Variants in ENTREP1 observed in about 807,000 individuals in gnomAD.
The protein encoded by ENTREP1 is Friedreich ataxia region gene X123.
chr9:69,343,230 T>C, the ENTREP1 span, among the ~76,000 whole-genome samples: 1 of 152,250 alleles, frequency 6.6e-6, no homozygotes, highest in African/African-American at 2.4e-5. Context: ...ATTTGTATCA[T>C]GCTTACAAAA....
At chr9:69,349,386 A>G in the ENTREP1 span, among the ~76,000 whole-genome samples, 6 of 152,114 alleles carry the variant, frequency 3.9e-5, no homozygotes, top group East Asian at 1.2e-3. Context: ...ATCATTTTAT[A>G]TTTCCACCAG....
the ENTREP1 span, chr9:69,371,756 A>C: frequency 1.6e-6 from 1 of 635,372 alleles, no homozygotes; most frequent in East Asian, 2.7e-5. Context: ...CAAAACAAAG[A>C]GCTGCCTGCT....
At chr9:69,391,733 A>AGGAGGCCCCGGCGAGT in the ENTREP1 span, 1 of 1,613,942 alleles carries the variant, frequency 6.2e-7, no homozygotes, top group South Asian at 1.1e-5. Flanking sequence ...CCGAGCCGAG[A>AGGAGGCCCCGGCGAGT]GGAGGCCCCG....
chr9:69,325,800 C>G, the ENTREP1 span: 2 of 1,210,682 alleles, frequency 1.7e-6, no homozygotes, highest in Non-Finnish European at 2.1e-6. Context: ...TCCATTGCCC[C>G]TTTGTTGGCC....
the ENTREP1 span, among the ~76,000 whole-genome samples, chr9:69,353,822 A>C: frequency 2.0e-5 from 3 of 152,108 alleles, no homozygotes; most frequent in Non-Finnish European, 4.4e-5. Context: ...GTAGGAATTG[A>C]CTTAGCGAAG....
chr9:69,381,521 G>T, the ENTREP1 span: 1 of 152,058 alleles, frequency 6.6e-6, no homozygotes. Flanking sequence ...CCCACGATAG[G>T]CAATGAGAGC....
chr9:69,391,855 G>A, the ENTREP1 span: 1 of 1,499,824 alleles, frequency 6.7e-7, no homozygotes, highest in South Asian at 1.2e-5. Flanking sequence ...TCTCCTCTCT[G>A]CCATTTCTTG....
chr9:69,340,689 GTGTGTA>G, the ENTREP1 span, among the ~76,000 whole-genome samples: 106 of 142,000 alleles, frequency 7.5e-4, 7 homozygotes, highest in African/African-American at 2.5e-3. Context: ...ATGCATGTGT[GTGTGTA>G]TGTGTGTGTG....
the ENTREP1 span, among the ~76,000 whole-genome samples, chr9:69,371,978 G>T: frequency 6.6e-6 from 1 of 152,262 alleles, no homozygotes; most frequent in South Asian, 2.1e-4. Context: ...AACCTTTGGA[G>T]GCCAGGTGTG....
chr9:69,361,128 T>A, the ENTREP1 span, among the ~76,000 whole-genome samples: 11 of 152,196 alleles, frequency 7.2e-5, no homozygotes, highest in Admixed American at 2.6e-4. Flanking sequence ...GACTTTTTTT[T>A]AAAAAGGGAT....
the ENTREP1 span, among the ~76,000 whole-genome samples, chr9:69,349,791 T>C: frequency 6.6e-6 from 1 of 152,194 alleles, no homozygotes; most frequent in African/African-American, 2.4e-5. Flanking sequence ...TAGCCAACAA[T>C]TGGGCAAAGT....
the ENTREP1 span, among the ~76,000 whole-genome samples, chr9:69,389,962 T>A: frequency 3.9e-5 from 6 of 152,162 alleles, no homozygotes; most frequent in Non-Finnish European, 7.3e-5. Flanking sequence ...ATTCTATACC[T>A]TTTCCCTGGT....
the ENTREP1 span, chr9:69,387,817 C>T: frequency 9.1e-7 from 1 of 1,093,916 alleles, no homozygotes; most frequent in Non-Finnish European, 1.2e-6. Context: ...ATTTTTCCTG[C>T]TTGGCCCATC....
At chr9:69,371,994 G>A in the ENTREP1 span, among the ~76,000 whole-genome samples, 1 of 152,146 alleles carries the variant, frequency 6.6e-6, no homozygotes, top group Non-Finnish European at 1.5e-5. Flanking sequence ...GTGTGTGTCA[G>A]CATTTAGAGT....
At chr9:69,350,487 C>G in the ENTREP1 span, among the ~76,000 whole-genome samples, 1 of 152,178 alleles carries the variant, frequency 6.6e-6, no homozygotes, top group Non-Finnish European at 1.5e-5. Flanking sequence ...ACTTCCTGTT[C>G]TAGTCTGGAC....
chr9:69,361,460 CGTT>C, the ENTREP1 span, among the ~76,000 whole-genome samples: 1 of 152,236 alleles, frequency 6.6e-6, no homozygotes, highest in African/African-American at 2.4e-5. Context: ...TATATGCATC[CGTT>C]GTTTGTTTCT....
chr9:69,391,521 G>T, the ENTREP1 span: 1 of 1,153,334 alleles, frequency 8.7e-7, no homozygotes, highest in Non-Finnish European at 1.3e-6. Flanking sequence ...AAGATAGGTG[G>T]ATGGACCTAG....
At chr9:69,368,020 G>A in the ENTREP1 span, among the ~76,000 whole-genome samples, 22 of 147,278 alleles carry the variant, frequency 1.5e-4, no homozygotes, top group Non-Finnish European at 3.0e-4. Context: ...GTATATAAAT[G>A]CTACTGATTT....
the ENTREP1 span, among the ~76,000 whole-genome samples, chr9:69,345,986 A>G: frequency 6.8e-6 from 1 of 147,642 alleles, no homozygotes; most frequent in African/African-American, 2.5e-5. Flanking sequence ...CACAAATAAC[A>G]CTTTTTTTTT....
Sources: allele counts gnomAD v4.1 joint callset (sites outside exome capture counted in the v4.1 genomes callset), GRCh38; gene constraint gnomAD v4.1.1; transcripts MANE v1.5; gene names NCBI Gene and HGNC (gene_info 2026-07-23, HGNC 2026-07-21).